SKAP1: variants seen among roughly 807,000 people sequenced by gnomAD.
SKAP1 encodes the protein src kinase associated phosphoprotein 1.
Under a neutral mutation model 58.5 loss-of-function variants are expected in SKAP1, and 44 were observed. That is an observed-to-expected ratio of 0.75 (90% confidence interval 0.59 to 0.97). The LOEUF (loss-of-function observed/expected upper bound fraction) is 0.97, where lower values mean the gene tolerates loss of function less well. Ranked by LOEUF, SKAP1 falls within the 50% of genes least tolerant of loss-of-function variation. SKAP1 has a pLI of 0.00. For missense variants in SKAP1, 390 were observed against 435.2 expected, an observed-to-expected ratio of 0.90 and a Z score of 0.92; for synonymous variants, 127 against 149.7, an observed-to-expected ratio of 0.85 and a Z score of 1.11.
intron 10 of SKAP1, among the ~76,000 whole-genome samples, chr17:48,168,074 G>C (rs1022774285): frequency 1.2e-4 from 18 of 152,104 alleles, no homozygotes; most frequent in African/African-American, 4.3e-4. Context: ...GATTTTCTAG[G>C]TAACAGAATG....
At chr17:48,247,239 C>T (rs1373185038) in intron 4 of SKAP1, among the ~76,000 whole-genome samples, 1 of 152,228 alleles carries the variant, frequency 6.6e-6, no homozygotes, top group African/African-American at 2.4e-5. Flanking sequence ...TCCTATTAGT[C>T]ACATTCCATT....
chr17:48,206,885 G>A (rs1209362418), intron 4 of SKAP1, among the ~76,000 whole-genome samples: 1 of 152,086 alleles, frequency 6.6e-6, no homozygotes, highest in African/African-American at 2.4e-5. Flanking sequence ...TCAAACTCCT[G>A]GGCTCAAGTA....
intron 4 of SKAP1, among the ~76,000 whole-genome samples, chr17:48,300,813 G>A (rs1017403659): frequency 6.6e-6 from 1 of 152,078 alleles, no homozygotes; most frequent in Non-Finnish European, 1.5e-5. Context: ...CTAAGCTCTA[G>A]GCCAGTCCCT....
intron 2 of SKAP1, among the ~76,000 whole-genome samples, chr17:48,376,618 T>C (rs532245686): frequency 6.6e-6 from 1 of 152,326 alleles, no homozygotes; most frequent in Non-Finnish European, 1.5e-5. Context: ...GGTGGATATC[T>C]CAGCATTAAC....
intron 4 of SKAP1, among the ~76,000 whole-genome samples, chr17:48,302,409 A>G (rs530089350): frequency 6.6e-6 from 1 of 152,304 alleles, no homozygotes; most frequent in African/African-American, 2.4e-5. Context: ...TTGTACTACT[A>G]TGTTGCTCTT....
intron 2 of SKAP1, among the ~76,000 whole-genome samples, chr17:48,374,548 T>C (rs1376583427): frequency 6.6e-6 from 1 of 152,206 alleles, no homozygotes; most frequent in Non-Finnish European, 1.5e-5. Flanking sequence ...TAGTTGGGCA[T>C]GGATTCCATG....
intron 4 of SKAP1, among the ~76,000 whole-genome samples, chr17:48,252,713 AGTGTGT>A (rs71141977): frequency 0.023 from 3,381 of 145,054 alleles, 102 homozygotes; most frequent in African/African-American, 0.069. Context: ...GCTCTAAGCT[AGTGTGT>A]GTGTGTGTGT....
At chr17:48,205,474 G>C (rs2064798267) in intron 4 of SKAP1, among the ~76,000 whole-genome samples, 1 of 151,952 alleles carries the variant, frequency 6.6e-6, no homozygotes, top group Admixed American at 6.6e-5. Context: ...AAAAGTATTA[G>C]AACACAGAAA....
At chr17:48,416,660 A>G (rs2067734788) in intron 1 of SKAP1, among the ~76,000 whole-genome samples, 1 of 152,250 alleles carries the variant, frequency 6.6e-6, no homozygotes, top group Admixed American at 6.5e-5. Flanking sequence ...TGAGTATTCT[A>G]TACATTTAAT....
chr17:48,192,578 C>G (rs2064562006), intron 4 of SKAP1, among the ~76,000 whole-genome samples: 1 of 152,080 alleles, frequency 6.6e-6, no homozygotes, highest in African/African-American at 2.4e-5. Context: ...CTGAGTGAAA[C>G]TTTTATTTAG....
intron 4 of SKAP1, among the ~76,000 whole-genome samples, chr17:48,320,987 C>A (rs186768152): frequency 6.6e-5 from 10 of 152,210 alleles, no homozygotes; most frequent in African/African-American, 2.4e-4. Flanking sequence ...TGACAGGCAT[C>A]CAGATAATGA....
intron 4 of SKAP1, among the ~76,000 whole-genome samples, chr17:48,220,052 T>C (rs1281109804): frequency 6.6e-6 from 1 of 152,232 alleles, no homozygotes; most frequent in Non-Finnish European, 1.5e-5. Flanking sequence ...CAATACCAAG[T>C]ATCAGTGAGA....
At chr17:48,222,794 G>T (rs1430630074) in intron 4 of SKAP1, among the ~76,000 whole-genome samples, 1 of 151,404 alleles carries the variant, frequency 6.6e-6, no homozygotes, top group African/African-American at 2.4e-5. Flanking sequence ...GGCCGGGTGT[G>T]GTGGCTCACA....
chr17:48,337,640 C>CTATATAATTATATA (rs2066592043), intron 4 of SKAP1, among the ~76,000 whole-genome samples: 1 of 152,152 alleles, frequency 6.6e-6, no homozygotes, highest in South Asian at 2.1e-4. Flanking sequence ...GCTTAATGCA[C>CTATATAATTATATA]GTTATTCATA....
chr17:48,318,263 T>C (rs2144209378), intron 4 of SKAP1, among the ~76,000 whole-genome samples: 1 of 152,268 alleles, frequency 6.6e-6, no homozygotes, highest in South Asian at 2.1e-4. Flanking sequence ...CAACCCAAAT[T>C]CAATAATACA....
chr17:48,397,244 G>T lies in SKAP1; in HGVS notation c.47-459C>A, dbSNP rs1319916801. Among the ~76,000 whole-genome samples the T allele has an allele frequency of 2.0e-5, 3 of 152,116 alleles. No homozygotes were observed. In the South Asian group the frequency reaches 6.2e-4, roughly 32 times the overall value. On this transcript the variant is annotated intron_variant, in intron 1 of 12. Transcript: ENST00000336915. ...AAATTTCTTTCTTTCTTTTAGGGGG[G>T]GGATGGAGTCTCACTCTGTTGCCCA...
At chr17:48,227,990 T>A (rs564417932) in intron 4 of SKAP1, among the ~76,000 whole-genome samples, 2 of 152,342 alleles carry the variant, frequency 1.3e-5, no homozygotes, top group Admixed American at 1.3e-4. Context: ...CTCTCATTCA[T>A]TTCAAGGTGT....
rs1361796658 is a variant in SKAP1 at position 48,424,238 on chromosome 17, T to C, written c.46+5837A>G. ...TGGGACCTCTTTTTTTTTTTTTTTT[T>C]TTTTGAGAACGGAGTCTCGCTCTGT... On this transcript the variant is annotated intron_variant, in intron 1 of 12. Coordinates refer to ENST00000336915, the MANE Select transcript of SKAP1 (RefSeq NM_003726.4). Among the ~76,000 whole-genome samples, 4 of 2,026 alleles carry C rather than the reference T, an allele frequency of 2.0e-3. No individual in the cohort carries two copies. In the East Asian group the frequency reaches 0.5, roughly 253 times the overall value. The allele number at this position is 2,026 out of a possible 152,430, so 1.3% of individuals were successfully genotyped here.
At chr17:48,175,797 G>C (rs2064281834) in intron 9 of SKAP1, among the ~76,000 whole-genome samples, 1 of 152,208 alleles carries the variant, frequency 6.6e-6, no homozygotes, top group African/African-American at 2.4e-5. Flanking sequence ...CTGAGATCAG[G>C]GGGATGGTCT....
Sources: allele counts gnomAD v4.1 joint callset (sites outside exome capture counted in the v4.1 genomes callset), GRCh38; gene constraint gnomAD v4.1.1; transcripts MANE v1.5; gene names NCBI Gene and HGNC (gene_info 2026-07-23, HGNC 2026-07-21).